SH3GL2: variants seen among roughly 807,000 people sequenced by gnomAD.
SH3GL2 encodes SH3 domain containing GRB2 like 2, endophilin A1.
A neutral mutation model predicts 46.0 loss-of-function variants in SH3GL2; 24 were observed. That is an observed-to-expected ratio of 0.52 (90% confidence interval 0.38 to 0.73). SH3GL2 has a LOEUF of 0.73. SH3GL2 is among the 30% of genes least tolerant of loss of function. SH3GL2 has a pLI of 0.00. For missense variants in SH3GL2, 413 were observed against 424.2 expected (o/e 0.97, Z 0.23); for synonymous variants, 196 against 147.1 (o/e 1.33, Z -2.40).
chr9:17,709,367 G>C (rs1821558345), intron 1 of SH3GL2, among the ~76,000 whole-genome samples: 1 of 152,090 alleles, frequency 6.6e-6, no homozygotes, highest in East Asian at 1.9e-4. Context: ...GCAGATGTAA[G>C]AGCATATTTC....
At chr9:17,681,914 GAC>G (rs1336006212) in intron 1 of SH3GL2, among the ~76,000 whole-genome samples, 1 of 152,052 alleles carries the variant, frequency 6.6e-6, no homozygotes, top group Non-Finnish European at 1.5e-5. Flanking sequence ...CTCAAAAGAA[GAC>G]ATGTGGCCAA....
chr9:17,593,597 C>T (rs1284193183), intron 1 of SH3GL2, among the ~76,000 whole-genome samples: 1 of 152,102 alleles, frequency 6.6e-6, no homozygotes, highest in Non-Finnish European at 1.5e-5. Flanking sequence ...ATGGCCCTTC[C>T]CATACATAAT....
At chr9:17,676,029 T>G (rs114416100) in intron 1 of SH3GL2, among the ~76,000 whole-genome samples, 2,176 of 152,302 alleles carry the variant, frequency 0.014, 56 homozygotes, top group African/African-American at 0.05. Flanking sequence ...CCTGGAGTTC[T>G]TAGAAGCTGT....
At chr9:17,704,207 TA>T (rs1821410365) in intron 1 of SH3GL2, among the ~76,000 whole-genome samples, 1 of 151,658 alleles carries the variant, frequency 6.6e-6, no homozygotes, top group African/African-American at 2.4e-5. Context: ...ACAAAAAGAA[TA>T]AAACAACTAG....
At chr9:17,681,004 G>A (rs182035459) in intron 1 of SH3GL2, among the ~76,000 whole-genome samples, 2 of 151,990 alleles carry the variant, frequency 1.3e-5, no homozygotes, top group African/African-American at 2.4e-5. Context: ...ACAGTTTGTT[G>A]TAATTTCTGT....
At position 17,579,154 on chromosome 9, in the gene SH3GL2, C is replaced by A; in HGVS notation, c.-89C>A. 2 of 940,582 alleles carry A rather than the reference C, an allele frequency of 2.1e-6. No homozygotes were observed. Among genetic ancestry groups the A allele is most frequent in the South Asian group, 1.9e-5 (1 of 53,176 alleles). The allele number at this position is 940,582 out of a possible 1,614,324, so 58.3% of individuals were successfully genotyped here. On this transcript the variant is annotated 5_prime_UTR_variant, in exon 1 of 9. Transcript: ENST00000380607. ...CCGGCGGCGGCACGACCAGAGGCGG[C>A]CAGGGGAGCGCGCCGCCCCGCTCGG...
chr9:17,744,030 T>C (rs1277177292), intron 1 of SH3GL2, among the ~76,000 whole-genome samples: 1 of 152,234 alleles, frequency 6.6e-6, no homozygotes, highest in African/African-American at 2.4e-5. Context: ...TTTTGGAATA[T>C]AGTGAGTTTC....
chr9:17,626,378 G>A (rs1819281371), intron 1 of SH3GL2, among the ~76,000 whole-genome samples: 1 of 152,202 alleles, frequency 6.6e-6, no homozygotes, highest in South Asian at 2.1e-4. Flanking sequence ...CCACACAGCT[G>A]CCCCTTCTAG....
chr9:17,643,522 G>T (rs1484262640), intron 1 of SH3GL2, among the ~76,000 whole-genome samples: 1 of 152,098 alleles, frequency 6.6e-6, no homozygotes, highest in Non-Finnish European at 1.5e-5. Flanking sequence ...GTCATAAAAA[G>T]TTCTTATTAT....
intron 2 of SH3GL2, among the ~76,000 whole-genome samples, chr9:17,752,190 C>G (rs908572111): frequency 4.6e-5 from 7 of 152,252 alleles, no homozygotes; most frequent in Non-Finnish European, 8.8e-5. Flanking sequence ...CAGCAGGGGA[C>G]TATTAAAAAC....
intron 1 of SH3GL2, among the ~76,000 whole-genome samples, chr9:17,636,567 GATA>G (rs951726933): frequency 2.0e-5 from 3 of 152,246 alleles, no homozygotes; most frequent in African/African-American, 7.2e-5. Flanking sequence ...TTGCTGTTTT[GATA>G]ATGATAAGGG....
intron 1 of SH3GL2, among the ~76,000 whole-genome samples, chr9:17,703,155 C>G (rs1821379465): frequency 1.3e-5 from 2 of 151,778 alleles, no homozygotes; most frequent in Admixed American, 1.3e-4. Context: ...TGGGTGTTGC[C>G]AGAATTTCCC....
At chr9:17,706,821 A>G (rs189474610) in intron 1 of SH3GL2, among the ~76,000 whole-genome samples, 1 of 152,140 alleles carries the variant, frequency 6.6e-6, no homozygotes, top group East Asian at 1.9e-4. Context: ...TGACCCTTAA[A>G]AAATGGAATC....
intron 1 of SH3GL2, among the ~76,000 whole-genome samples, chr9:17,643,326 A>G (rs1819730739): frequency 6.6e-6 from 1 of 152,200 alleles, no homozygotes; most frequent in Non-Finnish European, 1.5e-5. Flanking sequence ...CAATCATGTC[A>G]TCTGCAGACA....
At chr9:17,621,615 G>A (rs1266695338) in intron 1 of SH3GL2, among the ~76,000 whole-genome samples, 1 of 152,182 alleles carries the variant, frequency 6.6e-6, no homozygotes, top group African/African-American at 2.4e-5. Flanking sequence ...TTAAAGTATT[G>A]ATGTCAGGAT....
chr9:17,617,374 G>T (rs1195434281), intron 1 of SH3GL2, among the ~76,000 whole-genome samples: 6 of 152,210 alleles, frequency 3.9e-5, no homozygotes, highest in Non-Finnish European at 8.8e-5. Context: ...TTGTTTCCCA[G>T]TGCTCCTTGG....
intron 1 of SH3GL2, among the ~76,000 whole-genome samples, chr9:17,654,453 T>C (rs2134672377): frequency 6.6e-6 from 1 of 152,318 alleles, no homozygotes; most frequent in African/African-American, 2.4e-5. Context: ...TAGATATGAA[T>C]CCTGCCTGTT....
At chr9:17,769,079 GTCTCTGCTCAAATGTCACCTAAT>G (rs1046778952) in intron 3 of SH3GL2, among the ~76,000 whole-genome samples, 15 of 152,150 alleles carry the variant, frequency 9.9e-5, no homozygotes, top group Non-Finnish European at 1.9e-4. Flanking sequence ...CTTCGCTGGG[GTCTCTGCTCAAATGTCACCTAAT>G]TTGTGCAGCT....
At chr9:17,713,504 A>ATTCT (rs1563823485) in intron 1 of SH3GL2, among the ~76,000 whole-genome samples, 2 of 150,576 alleles carry the variant, frequency 1.3e-5, no homozygotes, top group South Asian at 4.2e-4. Context: ...TGAGACTTTT[A>ATTCT]TTCTTTTCTA....
Sources: allele counts gnomAD v4.1 joint callset (sites outside exome capture counted in the v4.1 genomes callset), GRCh38; gene constraint gnomAD v4.1.1; transcripts MANE v1.5; gene names NCBI Gene and HGNC (gene_info 2026-07-23, HGNC 2026-07-21).